The following PCDHA3 variants were observed in gnomAD, a reference collection of about 807,000 sequenced individuals.
PCDHA3 encodes the protein protocadherin alpha 3.
In PCDHA3, 41 loss-of-function variants were observed where a neutral mutation model predicts 62.2. That is an observed-to-expected ratio of 0.66 (90% confidence interval 0.51 to 0.86). PCDHA3 has a LOEUF of 0.86. PCDHA3 is among the 40% of genes least tolerant of loss of function. The pLI is 0.00. For missense variants in PCDHA3, 1,304 were observed against 1,241.2 expected (o/e 1.05, Z -0.76); for synonymous variants, 640 against 555.4 (o/e 1.15, Z -2.14).
At chr5:140,884,138 G>C (rs782798249) in intron 1 of PCDHA3, 2 of 1,613,410 alleles carry the variant, frequency 1.2e-6, no homozygotes, top group Non-Finnish European at 1.7e-6. Context: ...CCCGTTCCGC[G>C]TGGGGCTGTA....
chr5:140,963,666 ATAGT>A (rs1254219157), intron 1 of PCDHA3, among the ~76,000 whole-genome samples: 1 of 152,216 alleles, frequency 6.6e-6, no homozygotes, highest in African/African-American at 2.4e-5. Flanking sequence ...CCTATATGGC[ATAGT>A]TAAATGTGTT....
chr5:140,871,698 C>A, intron 1 of PCDHA3: 2 of 905,580 alleles, frequency 2.2e-6, no homozygotes, highest in Non-Finnish European at 3.2e-6. Context: ...GCTTCTTTAA[C>A]CAATAAATGT....
chr5:140,899,551 GC>G (rs1220661801), intron 1 of PCDHA3, among the ~76,000 whole-genome samples: 12 of 152,288 alleles, frequency 7.9e-5, no homozygotes, highest in Middle Eastern at 6.8e-3. Context: ...TGGTGGATAA[GC>G]TTTTTGATGT....
At chr5:140,828,863 G>A (rs2150159880) in intron 1 of PCDHA3, 2 of 1,614,200 alleles carry the variant, frequency 1.2e-6, no homozygotes, top group East Asian at 2.2e-5. Context: ...TGCAGACAAC[G>A]GAACAACAGT....
Position 140,850,710 on chromosome 5 carries a change from C to G in PCDHA3, c.2394+47119C>G, listed in dbSNP as rs2150495455. ...CGAGTGCGCGCCTGGCAAGCCGACG[C>G]TGGTGTGTTCTAGCGCGGTGGGGAG... On this transcript the variant is annotated intron_variant, in intron 1 of 3. Coordinates refer to ENST00000522353, the MANE Select transcript of PCDHA3 (RefSeq NM_018906.3). 14 of 1,598,036 alleles carry G rather than the reference C, an allele frequency of 8.8e-6. 1 individual carries two copies. Among genetic ancestry groups the G allele is most frequent in the Non-Finnish European group, 1.2e-5 (14 of 1,167,676 alleles).
intron 1 of PCDHA3, chr5:140,803,882 G>A: frequency 1.8e-6 from 1 of 546,210 alleles, no homozygotes; most frequent in East Asian, 3.1e-5. Context: ...TTTTTTCTTA[G>A]ATGAATTGCA....
rs1554262625 is a variant in PCDHA3, at chr5:141,009,974, T to A, written c.*37T>A. 3 of 1,585,642 alleles carry A rather than the reference T, an allele frequency of 1.9e-6. No homozygotes were observed. The highest frequency in any genetic ancestry group is 2.6e-6 in the Non-Finnish European group (3 of 1,169,212). ...GGAAACAAGCCACTTAGCCAGTTTT[T>A]GTAATAATGGCAAATCTCTCCCATG... On this transcript the variant is annotated 3_prime_UTR_variant, in exon 4 of 4. Transcript: ENST00000522353.
At position 140,912,557 on chromosome 5, in the gene PCDHA3, A is replaced by T. The variant is rs1220242152; in HGVS notation, c.2395-66392A>T. On this transcript the variant is annotated intron_variant, in intron 1 of 3. Transcript: ENST00000522353. ...GATCATATTGTCAGCAAACAGCAAC[A>T]GTTTTAACTTCCTCTTTTCCAATTT... Among the ~76,000 whole-genome samples the T allele has an allele frequency of 4.6e-5, 7 of 152,154 alleles. No individual in the cohort carries two copies. The South Asian group carries it at 1.5e-3, about 32-fold the overall frequency.
Position 140,801,347 on chromosome 5 carries a change from G to A in PCDHA3, c.150G>A (p.Gln50=). The change falls in exon 1 of 4, where the codon CAG becomes CAA. Residue 50 remains glutamine, a synonymous_variant. Transcript: ENST00000522353. ...KHGTFVGRIA[Q]DLGLELAELV... ...GCACCTTCGTGGGCCGCATCGCGCA[G>A]GACCTGGGGCTGGAGCTGGCGGAGC... The A allele has an allele frequency of 6.2e-7, 1 of 1,613,374 alleles. No homozygotes were observed. Among genetic ancestry groups the A allele is most frequent in the Non-Finnish European group, 8.5e-7 (1 of 1,179,928 alleles).
At chr5:140,881,461 C>T (rs1428843491) in intron 1 of PCDHA3, 1 of 635,408 alleles carries the variant, frequency 1.6e-6, no homozygotes, top group Non-Finnish European at 2.0e-6. Context: ...AACCTTAGAG[C>T]ATTGTTGTGG....
At chr5:140,875,779 A>G (rs1174243985) in intron 1 of PCDHA3, 1 of 1,614,194 alleles carries the variant, frequency 6.2e-7, no homozygotes, top group Non-Finnish European at 8.5e-7. Context: ...CGCGGAGTGC[A>G]GTATCCACCT....
chr5:140,899,402 G>T (rs1465071147), intron 1 of PCDHA3, among the ~76,000 whole-genome samples: 2 of 152,004 alleles, frequency 1.3e-5, no homozygotes, highest in South Asian at 2.1e-4. Context: ...TAGCATGAAG[G>T]GTTGTTGAAT....
chr5:140,971,032 G>A (rs540815935), intron 1 of PCDHA3, among the ~76,000 whole-genome samples: 4 of 152,302 alleles, frequency 2.6e-5, no homozygotes, highest in African/African-American at 7.2e-5. Context: ...GCATTTGAAA[G>A]CACGTAAAAG....
At chr5:140,836,587 TA>T (rs2150264756) in intron 1 of PCDHA3, 1 of 1,613,616 alleles carries the variant, frequency 6.2e-7, no homozygotes, top group African/African-American at 1.3e-5. Context: ...TGTAGTTTGG[TA>T]AAGCCCACTC....
chr5:140,801,934 T>C lies in PCDHA3; in HGVS notation c.737T>C (p.Ile246Thr). 1.2e-6 allele frequency: 2 copies of C among 1,614,192 alleles called. No individual in the cohort carries two copies. Among genetic ancestry groups the C allele is most frequent in the Middle Eastern group, 1.6e-4 (1 of 6,062 alleles). The change falls in exon 1 of 4, where the codon ATC becomes ACC. Residue 246 changes from isoleucine to threonine, a missense_variant. Ile to Thr is a moderately conservative substitution (Grantham distance 89). Transcript: ENST00000522353. ...AACGCCCCAGCGTTTGAGAGGACGA[T>C]CTATAAAGTCAGATTACTCGAAAAT... Reference protein sequence around the residue: ...NDNAPAFERTIYKVRLLENAP... With the variant: ...NDNAPAFERTTYKVRLLENAP...
intron 1 of PCDHA3, among the ~76,000 whole-genome samples, chr5:140,818,846 A>G (rs2150102487): frequency 3.3e-5 from 5 of 152,190 alleles, no homozygotes; most frequent in Non-Finnish European, 5.9e-5. Context: ...GTATAGAATC[A>G]ACTATAGGTA....
chr5:140,995,276 C>T (rs2097674050), intron 3 of PCDHA3, among the ~76,000 whole-genome samples: 4 of 152,030 alleles, frequency 2.6e-5, no homozygotes, highest in Non-Finnish European at 1.5e-5. Flanking sequence ...CCCTTTGATA[C>T]CAAAACAGCC....
intron 1 of PCDHA3, chr5:140,823,626 G>A (rs1554129494): frequency 1.2e-6 from 2 of 1,613,916 alleles, no homozygotes; most frequent in Admixed American, 3.3e-5. Context: ...CTGGCAGTGC[G>A]CGCATCCCGT....
chr5:140,989,197 C>T (rs2097332742), intron 3 of PCDHA3, among the ~76,000 whole-genome samples: 1 of 152,206 alleles, frequency 6.6e-6, no homozygotes, highest in Admixed American at 6.5e-5. Context: ...ACCCTCCCTT[C>T]TAGCTTTCTT....
Sources: gnomAD v4.1 joint callset for allele counts (sites outside exome capture counted in the v4.1 genomes callset) on GRCh38, gnomAD v4.1.1 for gene constraint, MANE v1.5 for transcripts, NCBI Gene and HGNC (gene_info 2026-07-23, HGNC 2026-07-21) for gene names.